URB1: variants seen among roughly 807,000 people sequenced by gnomAD.
The protein encoded by URB1 is URB1 ribosome biogenesis factor.
Under a neutral mutation model 242.3 loss-of-function variants are expected in URB1, and 197 were observed. The ratio of observed to expected loss-of-function variants is 0.81; its 90% CI spans 0.72 to 0.91. The LOEUF (loss-of-function observed/expected upper bound fraction) is 0.91. URB1 is among the 40% of genes least tolerant of loss of function. URB1 has a pLI of 0.00. For missense variants in URB1, 2,721 were observed against 2,860.5 expected (o/e 0.95, Z 1.11); for synonymous variants, 1,153 against 1,201.8 (o/e 0.96, Z 0.84).
chr21:32,386,427 G>A (rs1390685272), intron 1 of URB1, among the ~76,000 whole-genome samples: 10 of 152,172 alleles, frequency 6.6e-5, no homozygotes, highest in African/African-American at 1.7e-4. Context: ...CCTTGATCGC[G>A]GACGTGGCCT....
At chr21:32,388,970 A>G (rs2146059305) in intron 1 of URB1, among the ~76,000 whole-genome samples, 1 of 152,328 alleles carries the variant, frequency 6.6e-6, no homozygotes, top group Admixed American at 6.5e-5. Flanking sequence ...GGTCCTTACA[A>G]TCTAATGATA....
rs773736142 is a variant in URB1 at position 32,321,865 on chromosome 21, C to G, written c.5420G>C (p.Arg1807Pro). The G allele has an allele frequency of 6.4e-7, 1 of 1,551,608 alleles. No individual in the cohort carries two copies. Among genetic ancestry groups the G allele is most frequent in the East Asian group, 2.4e-5 (1 of 40,940 alleles). Residue 1807 changes from arginine to proline, a missense_variant, in exon 34 of 39, where the codon CGG (arginine) becomes CCG (proline). By Grantham distance (103) the Arg-to-Pro change is moderately radical (BLOSUM62 -2). Coordinates refer to ENST00000382751, the MANE Select transcript of URB1 (RefSeq NM_014825.3). ...CAGGATGATGTGGAAGATGCCACGC[C>G]GGGCACACAGTTCGTAGCACTGCTT... Reference protein sequence around the residue: ...RDKQCYELCARRGIFHIILSF... With the variant: ...RDKQCYELCAPRGIFHIILSF...
chr21:32,340,768 TG>T (rs1256251273), intron 25 of URB1, among the ~76,000 whole-genome samples: 1 of 150,806 alleles, frequency 6.6e-6, no homozygotes, highest in Non-Finnish European at 1.5e-5. Context: ...AATGAGAGAA[TG>T]AGACAGAGAA....
In URB1 at chr21:32,316,522, G is replaced by A. The variant is rs1044906788; in HGVS notation, c.6578C>T (p.Pro2193Leu). The change falls in exon 38 of 39, where the codon CCG (proline) becomes CTG (leucine). Residue 2193 changes from proline (P) to leucine (L), a missense_variant. By Grantham distance (98) the Pro-to-Leu change is moderately conservative. Transcript: ENST00000382751. The part of the protein sequence containing the change: ...AQGRAGSPFH[P>L]AMEALSLSSL... ...AGACAGGGAGAGGGCTTCCATGGCC[G>A]GGTGGAAGGGGCTCCCTGCCCGGCC... 67 of 1,548,888 alleles carry A rather than the reference G, an allele frequency of 4.3e-5. No homozygotes were observed. Among genetic ancestry groups the A allele is most frequent in the South Asian group, 6.0e-5 (5 of 83,688 alleles).
chr21:32,323,630 C>T (rs1194272367), intron 32 of URB1, among the ~76,000 whole-genome samples: 1 of 152,166 alleles, frequency 6.6e-6, no homozygotes, highest in Admixed American at 6.5e-5. Flanking sequence ...GTGACGGCAG[C>T]TATCACTGAT....
At chr21:32,377,192 T>C in intron 5 of URB1, 1 of 518,998 alleles carries the variant, frequency 1.9e-6, no homozygotes, top group Non-Finnish European at 3.8e-6. Context: ...TTATCTATTG[T>C]GCAACCCACT....
At chr21:32,328,312 A>C (rs571348908) in intron 30 of URB1, among the ~76,000 whole-genome samples, 1 of 152,188 alleles carries the variant, frequency 6.6e-6, no homozygotes, top group South Asian at 2.1e-4. Context: ...TAATTTTCTT[A>C]TTTTTAGTAG....
At chr21:32,359,353 C>A (rs2033259203) in intron 14 of URB1, among the ~76,000 whole-genome samples, 1 of 152,088 alleles carries the variant, frequency 6.6e-6, no homozygotes, top group African/African-American at 2.4e-5. Context: ...TTATTAAAGA[C>A]CTAGAAAAAA....
Position 32,338,771 on chromosome 21 carries a change from G to A in URB1, c.4446C>T (p.His1482=). 1 of 1,551,718 alleles carries A rather than the reference G, an allele frequency of 6.4e-7. No individual in the cohort carries two copies. The highest frequency in any genetic ancestry group is 8.7e-7 in the Non-Finnish European group (1 of 1,147,002). Residue 1482 remains histidine (H), a synonymous_variant, in exon 26 of 39, where the codon CAC becomes CAT. Transcript: ENST00000382751. ...TCAGTAGAGTCGGCAGAAACAGCGA[G>A]TGCTGCATGAGCATCACGTAGACCA... The part of the protein sequence containing the change: ...LPVVYVMLMQ[H]SLFLPTLLTS...
chr21:32,312,316 T>A lies in URB1; in HGVS notation c.*2602A>T. On this transcript the variant is annotated 3_prime_UTR_variant, in exon 39 of 39. Transcript: ENST00000382751. Reference sequence around the variant, plus strand: ...GCTGTTTGCTTACTAATCTTTACTATGCCACTTTACCATTACTGTGTAATG... The same window carrying A: ...GCTGTTTGCTTACTAATCTTTACTAAGCCACTTTACCATTACTGTGTAATG... The A allele has an allele frequency of 7.8e-7, 1 of 1,288,520 alleles. No individual in the cohort carries two copies. Among genetic ancestry groups the A allele is most frequent in the Non-Finnish European group, 9.9e-7 (1 of 1,007,514 alleles). The allele number at this position is 1,288,520 out of a possible 1,614,324, so 79.8% of individuals were successfully genotyped here.
rs551401669 is a variant in URB1 at position 32,338,996 on chromosome 21, T to C, written c.4317-96A>G. On this transcript the variant is annotated intron_variant, in intron 25 of 38. Coordinates refer to ENST00000382751, the MANE Select transcript of URB1 (RefSeq NM_014825.3). ...ATTCTTTTTCTCAGTATTTTATTTA[T>C]TTATTTATTTTTGAGATGGAGTCTC... 6.3e-6 allele frequency: 8 copies of C among 1,267,374 alleles called. No homozygotes were observed. In the East Asian group the frequency reaches 1.8e-4, roughly 29 times the overall value. The allele number at this position is 1,267,374 out of a possible 1,614,324, so 78.5% of individuals were successfully genotyped here.
chr21:32,356,612 A>G (rs932551119), intron 15 of URB1, among the ~76,000 whole-genome samples: 4 of 152,338 alleles, frequency 2.6e-5, no homozygotes, highest in East Asian at 3.9e-4. Flanking sequence ...CAGTCACATC[A>G]TATCACTTCA....
intron 18 of URB1, among the ~76,000 whole-genome samples, chr21:32,353,673 G>C (rs889057342): frequency 1.3e-5 from 2 of 152,124 alleles, no homozygotes; most frequent in Non-Finnish European, 2.9e-5. Context: ...ACGTTACAGA[G>C]GCTGTCTGGG....
Position 32,323,262 on chromosome 21 carries a change from A to T in URB1, c.5234-678T>A, listed in dbSNP as rs565011067. ...GAATAAAATGAAATGGGAGCAGATG[A>T]AAATGAGATCTGAATTCTAATAGCA... On this transcript the variant is annotated intron_variant, in intron 32 of 38. Coordinates refer to ENST00000382751, the MANE Select transcript of URB1 (RefSeq NM_014825.3). Among the ~76,000 whole-genome samples the T allele has an allele frequency of 3.9e-5, 6 of 152,320 alleles. No homozygotes were observed. In the South Asian group the frequency reaches 1.2e-3, roughly 32 times the overall value.
chr21:32,312,432 T>C lies in URB1; in HGVS notation c.*2486A>G. 2 of 648,810 alleles carry C rather than the reference T, an allele frequency of 3.1e-6. No individual in the cohort carries two copies. The highest frequency in any genetic ancestry group is 4.2e-6 in the Non-Finnish European group (2 of 475,978). The allele number at this position is 648,810 out of a possible 1,614,324, so 40.2% of individuals were successfully genotyped here. On this transcript the variant is annotated 3_prime_UTR_variant, in exon 39 of 39. Coordinates refer to ENST00000382751, the MANE Select transcript of URB1 (RefSeq NM_014825.3). ...CCAAGCTCCACTAACACCCGCCGGC[T>C]CCCCCAGATGTGATGGCATCTGCCC...
At chr21:32,373,259 AACACAC>A (rs902364318) in intron 7 of URB1, among the ~76,000 whole-genome samples, 3 of 152,128 alleles carry the variant, frequency 2.0e-5, no homozygotes, top group African/African-American at 4.8e-5. Flanking sequence ...ACAAACAAAA[AACACAC>A]AACAAGCCTT....
rs1568825855 is a variant in URB1 at position 32,363,341 on chromosome 21, AAG to A, written c.1336-14_1336-13del. The A allele has an allele frequency of 5.2e-6, 8 of 1,550,106 alleles. No individual in the cohort carries two copies. Among genetic ancestry groups the A allele is most frequent in the East Asian group, 4.9e-5 (2 of 40,914 alleles). Reference sequence around the variant, plus strand: ...GAGGTGCTGTCCAACTGGGAAGAAAAAGAGTTAAATGCACACATGTCTCTAGG... The same window carrying A: ...GAGGTGCTGTCCAACTGGGAAGAAAAAGTTAAATGCACACATGTCTCTAGG... On this transcript the variant is annotated splice_polypyrimidine_tract_variant and intron_variant, in intron 10 of 38. Transcript: ENST00000382751.
intron 10 of URB1, 128 bp from the exon 11 acceptor site, chr21:32,363,457 C>G: frequency 8.3e-7 from 1 of 1,205,448 alleles, no homozygotes; most frequent in Non-Finnish European, 1.1e-6. Context: ...CTGCTGGTCT[C>G]TACGCTCTGA....
chr21:32,360,084 C>G (rs1328276263), intron 13 of URB1, among the ~76,000 whole-genome samples, 176 bp from the exon 14 acceptor site: 1 of 152,182 alleles, frequency 6.6e-6, no homozygotes, highest in Non-Finnish European at 1.5e-5. Flanking sequence ...CTGATGTACC[C>G]CCACGCCCTG....
Sources: allele counts gnomAD v4.1 joint callset (sites outside exome capture counted in the v4.1 genomes callset), GRCh38; gene constraint gnomAD v4.1.1; transcripts MANE v1.5; gene names NCBI Gene and HGNC (gene_info 2026-07-23, HGNC 2026-07-21).